The following RFX7 variants were observed in gnomAD, a reference collection of about 807,000 sequenced individuals.
The protein encoded by RFX7 is DNA-binding protein RFX7.
RFX7 carries 26 observed loss-of-function variants against 111.8 expected under a neutral mutation model. The ratio of observed to expected loss-of-function variants is 0.23; its 90% CI spans 0.17 to 0.32. RFX7 has a LOEUF of 0.32. Ranked by LOEUF, RFX7 falls within the 10% of genes least tolerant of loss-of-function variation. The pLI is 1.00. For missense variants in RFX7, 1,573 were observed against 1,772.9 expected (o/e 0.89, Z 2.02); for synonymous variants, 624 against 624.4 (o/e 1.00, Z 0.01).
At chr15:56,124,291 G>C (rs1302834433) in intron 5 of RFX7, among the ~76,000 whole-genome samples, 1 of 151,994 alleles carries the variant, frequency 6.6e-6, no homozygotes, top group Non-Finnish European at 1.5e-5. Flanking sequence ...GCATGGTGAC[G>C]GGCACCTGTA....
intron 5 of RFX7, among the ~76,000 whole-genome samples, chr15:56,139,503 A>C (rs1343337250): frequency 6.6e-6 from 1 of 152,050 alleles, no homozygotes; most frequent in Non-Finnish European, 1.5e-5. Flanking sequence ...TGGTTATTCT[A>C]GTTATACATT....
chr15:56,165,057 A>C (rs1291022733), intron 3 of RFX7, among the ~76,000 whole-genome samples: 1 of 152,206 alleles, frequency 6.6e-6, no homozygotes, highest in Non-Finnish European at 1.5e-5. Context: ...GGCATTAGTT[A>C]GATTTTCATA....
chr15:56,196,448 T>G (rs781521944), intron 2 of RFX7, among the ~76,000 whole-genome samples: 3 of 152,148 alleles, frequency 2.0e-5, no homozygotes, highest in African/African-American at 7.2e-5. Context: ...ATCACTCTTT[T>G]TTTTAAAAAA....
intron 5 of RFX7, among the ~76,000 whole-genome samples, chr15:56,114,296 A>T (rs1255193488): frequency 1.3e-5 from 2 of 151,580 alleles, no homozygotes; most frequent in Admixed American, 6.6e-5. Flanking sequence ...CTGTAATCCC[A>T]GTTACTTGGG....
At chr15:56,195,916 A>T (rs1406705413) in intron 2 of RFX7, among the ~76,000 whole-genome samples, 1 of 152,174 alleles carries the variant, frequency 6.6e-6, no homozygotes, top group Non-Finnish European at 1.5e-5. Flanking sequence ...GTTTTTATGT[A>T]TGGAAAGTAA....
chr15:56,187,266 A>G (rs1250403913), intron 2 of RFX7, among the ~76,000 whole-genome samples: 1 of 151,166 alleles, frequency 6.6e-6, no homozygotes, highest in Non-Finnish European at 1.5e-5. Context: ...GCTGGAGGGC[A>G]GAGGCACGAT....
At chr15:56,204,453 C>T (rs1173322554) in intron 2 of RFX7, among the ~76,000 whole-genome samples, 1 of 152,050 alleles carries the variant, frequency 6.6e-6, no homozygotes, top group African/African-American at 2.4e-5. Flanking sequence ...AACTATTAGA[C>T]CATGTTGGGG....
In RFX7 at chr15:56,180,820, G is replaced by A. The variant is rs1282180826; in HGVS notation, c.162-1517C>T. Among the ~76,000 whole-genome samples, 9 of 151,810 alleles carry A rather than the reference G, an allele frequency of 5.9e-5. No individual in the cohort carries two copies. In the South Asian group the frequency reaches 1.9e-3, roughly 32 times the overall value. ...TAGTCCCAGCTACTTGGGAGGCTGA[G>A]GCAGGAGAATTGCTTGAACCCGGGA... On this transcript the variant is annotated intron_variant, in intron 2 of 9. Coordinates refer to ENST00000559447, the MANE Select transcript of RFX7 (RefSeq NM_022841.7).
chr15:56,227,268 T>C (rs2141224409), intron 2 of RFX7, among the ~76,000 whole-genome samples: 1 of 152,324 alleles, frequency 6.6e-6, no homozygotes, highest in East Asian at 1.9e-4. Context: ...CTGTAAAGGA[T>C]AAACTTGCAG....
At chr15:56,130,710 A>C (rs1178870382) in intron 5 of RFX7, among the ~76,000 whole-genome samples, 4 of 152,060 alleles carry the variant, frequency 2.6e-5, no homozygotes, top group Non-Finnish European at 5.9e-5. Flanking sequence ...AAGAAAATAA[A>C]ACATATCAGA....
At chr15:56,220,125 A>G (rs2043408506) in intron 2 of RFX7, among the ~76,000 whole-genome samples, 1 of 152,104 alleles carries the variant, frequency 6.6e-6, no homozygotes, top group South Asian at 2.1e-4. Flanking sequence ...TTCTCTAATG[A>G]TTAGTGATGT....
intron 3 of RFX7, among the ~76,000 whole-genome samples, chr15:56,146,045 AC>A (rs1242058173): frequency 1.3e-5 from 2 of 151,804 alleles, no homozygotes; most frequent in African/African-American, 4.8e-5. Flanking sequence ...TGGTTTTCCT[AC>A]CTCCGATGTC....
rs1443418080 is a variant in RFX7 at position 56,153,986 on chromosome 15, T to C, written c.196-9503A>G. The stretch of plus-strand genomic sequence containing the variant: ...AGTGTGCAAAAATCACAAGCATTTG[T>C]ATACACCAATAATAGAGACCCAAAT... On this transcript the variant is annotated intron_variant, in intron 3 of 9. Transcript: ENST00000559447. Among the ~76,000 whole-genome samples the C allele has an allele frequency of 2.0e-5, 3 of 152,086 alleles. No individual in the cohort carries two copies. The East Asian group carries it at 5.8e-4, about 29-fold the overall frequency.
At chr15:56,143,834 G>T (rs1233331867) in intron 4 of RFX7, among the ~76,000 whole-genome samples, 1 of 152,114 alleles carries the variant, frequency 6.6e-6, no homozygotes, top group Non-Finnish European at 1.5e-5. Flanking sequence ...GATGAATTCT[G>T]AGAAATACTT....
rs527285534 is a variant in RFX7 at position 56,096,486 on chromosome 15, G to A, written c.1242C>T (p.Asn414=). ...SVKQAPKTPQ[N]VPASPGGDRS... is the part of the protein sequence containing the mutation. ...GATCCCCACCAGGACTGGCTGGAAC[G>A]TTCTGGGGAGTCTTTGGTGCCTGTT... The change falls in exon 10 of 10, where the codon AAC becomes AAT. Residue 414 remains asparagine, a synonymous_variant. Coordinates refer to ENST00000559447, the MANE Select transcript of RFX7 (RefSeq NM_022841.7). The A allele has an allele frequency of 5.6e-6, 9 of 1,607,738 alleles. No homozygotes were observed. Among genetic ancestry groups the A allele is most frequent in the Non-Finnish European group, 6.8e-6 (8 of 1,176,914 alleles).
intron 2 of RFX7, among the ~76,000 whole-genome samples, chr15:56,230,383 A>G (rs948449241): frequency 8.5e-5 from 13 of 152,342 alleles, no homozygotes; most frequent in African/African-American, 2.2e-4. Context: ...ACTCTCAACA[A>G]ATGATTACTT....
chr15:56,137,562 C>T (rs1176890048), intron 5 of RFX7, among the ~76,000 whole-genome samples: 5 of 152,070 alleles, frequency 3.3e-5, no homozygotes, highest in Non-Finnish European at 7.4e-5. Context: ...TTTCAAAAAA[C>T]CAGCTCCTGG....
rs1378384685 is a variant in RFX7 at position 56,136,166 on chromosome 15, G to T, written c.401+6612C>A. On this transcript the variant is annotated intron_variant, in intron 5 of 9. Coordinates refer to ENST00000559447, the MANE Select transcript of RFX7 (RefSeq NM_022841.7). ...AATTCTGTGAAGAAAGGCATTGGTA[G>T]CTTGATGGGGATGGCATTGAATCTG... 4.6e-5 allele frequency among the ~76,000 whole-genome samples: 7 copies of T among 151,884 alleles called. No homozygotes were observed. The South Asian group carries it at 1.5e-3, about 32-fold the overall frequency.
At chr15:56,215,034 G>A (rs982425206) in intron 2 of RFX7, among the ~76,000 whole-genome samples, 5 of 151,972 alleles carry the variant, frequency 3.3e-5, no homozygotes, top group Non-Finnish European at 2.9e-5. Flanking sequence ...TCACTAATAC[G>A]TACAATTGTC....
Sources: gnomAD v4.1 joint callset for allele counts (sites outside exome capture counted in the v4.1 genomes callset) on GRCh38, gnomAD v4.1.1 for gene constraint, MANE v1.5 for transcripts, NCBI Gene and HGNC (gene_info 2026-07-23, HGNC 2026-07-21) for gene names.